Variants in IK observed in about 807,000 individuals in gnomAD.
IK encodes the protein protein Red.
IK carries 47 observed loss-of-function variants against 90.9 expected under a neutral mutation model. The observed-to-expected ratio is 0.52, with a 90% confidence interval of 0.41 to 0.66. The LOEUF (loss-of-function observed/expected upper bound fraction) is 0.66. Ranked by LOEUF, IK falls within the 30% of genes least tolerant of loss-of-function variation. The pLI is 0.00. For synonymous variants in IK, 201 were observed against 227.5 expected, an observed-to-expected ratio of 0.88 and a Z score of 1.05; for missense variants, 385 against 709.3, an observed-to-expected ratio of 0.54 and a Z score of 5.19.
Position 140,657,676 on chromosome 5 carries a change from TAGAG to T in IK, c.910+20_910+23del, listed in dbSNP as rs1471962199. ...AGAAGGATAAAGGTACCTGGAGGGT[TAGAG>T]AGAGAAGCCTTACCCACAGAGGACG... On this transcript the variant is annotated intron_variant, in intron 10 of 19. Transcript: ENST00000417647. 1.9e-6 allele frequency: 3 copies of T among 1,558,154 alleles called. No individual in the cohort carries two copies. Among genetic ancestry groups the T allele is most frequent in the Non-Finnish European group, 1.8e-6 (2 of 1,132,144 alleles).
At position 140,661,169 on chromosome 5, in the gene IK, C is replaced by T. The variant is rs1581486164; in HGVS notation, c.1413+354C>T. ...TTATTCTAGCCAGGATTGAAGTTTTCCTCTAAGTCTTAAGCAAAATTAAAA... is the reference window on the plus strand; with the variant it reads ...TTATTCTAGCCAGGATTGAAGTTTTTCTCTAAGTCTTAAGCAAAATTAAAA... On this transcript the variant is annotated intron_variant, in intron 16 of 19. Coordinates refer to ENST00000417647, the MANE Select transcript of IK (RefSeq NM_006083.4). This position sits in a 1 kb window ranked among gnomAD's most constrained non-coding sequence, Gnocchi z 4.2. 7.0e-6 allele frequency: 2 copies of T among 286,252 alleles called. No homozygotes were observed. The highest frequency in any genetic ancestry group is 1.4e-4 in the East Asian group (2 of 14,786). The allele number at this position is 286,252 out of a possible 1,614,324, so 17.7% of individuals were successfully genotyped here.
chr5:140,659,848 T>A lies in IK; in HGVS notation c.1274+14T>A. On this transcript the variant is annotated intron_variant, in intron 14 of 19. Coordinates refer to ENST00000417647, the MANE Select transcript of IK (RefSeq NM_006083.4). ...AGGCACAGAATCATATCCTTTATTTTAATACGTTCCTGGGTTCCAGAGAAC... is the reference window on the plus strand; with the variant it reads ...AGGCACAGAATCATATCCTTTATTTAAATACGTTCCTGGGTTCCAGAGAAC... The A allele has an allele frequency of 6.4e-7, 1 of 1,560,260 alleles. No individual in the cohort carries two copies. The highest frequency in any genetic ancestry group is 8.7e-7 in the Non-Finnish European group (1 of 1,145,204).
At position 140,654,586 on chromosome 5, in the gene IK, A is replaced by G. The variant is rs1198682622; in HGVS notation, c.590A>G (p.Lys197Arg). 10 of 1,588,096 alleles carry G rather than the reference A, an allele frequency of 6.3e-6. No homozygotes were observed. Among genetic ancestry groups the G allele is most frequent in the Non-Finnish European group, 8.6e-6 (10 of 1,166,190 alleles). ...ELMEKPQKET[K>R]KDEDPENKIE... The stretch of plus-strand genomic sequence containing the variant: ...ATGGAAAAGCCCCAGAAAGAAACCA[A>G]GTAAGTAAATATTATGGAAAGGTTG... The change falls in exon 7 of 20, where the codon AAG (lysine) becomes AGG (arginine). Residue 197 changes from lysine (K) to arginine (R), a missense_variant and splice_region_variant. This residue lies in a region of IK where 9 missense variants were observed against 61.8 expected (regional missense o/e 0.15). Coordinates refer to ENST00000417647, the MANE Select transcript of IK (RefSeq NM_006083.4).
At chr5:140,648,406 C>A (rs1757533815) in intron 1 of IK, 65 bp from the exon 2 acceptor site, 2 of 1,471,182 alleles carry the variant, frequency 1.4e-6, no homozygotes, top group East Asian at 4.5e-5. Context: ...TACTATATCT[C>A]AAATTTTTGC....
Position 140,655,844 on chromosome 5 carries a change from G to C in IK, c.653G>C (p.Arg218Pro). The part of the protein sequence containing the change: ...FKTRLGRNVY[R>P]MLFKSKAYER... ...CTTATTGTAGGCCGCAATGTTTACCGAATGCTTTTTAAGAGCAAAGCATAT... is the reference window on the plus strand; with the variant it reads ...CTTATTGTAGGCCGCAATGTTTACCCAATGCTTTTTAAGAGCAAAGCATAT... Residue 218 changes from arginine to proline, a missense_variant, in exon 9 of 20, where the codon CGA becomes CCA. Arg to Pro is a moderately radical substitution (Grantham distance 103). This residue lies in a region of IK where 46 missense variants were observed against 50.0 expected (regional missense o/e 0.92). Coordinates refer to ENST00000417647, the MANE Select transcript of IK (RefSeq NM_006083.4). 6.2e-7 allele frequency: 1 copy of C among 1,610,520 alleles called. No individual in the cohort carries two copies. The highest frequency in any genetic ancestry group is 8.5e-7 in the Non-Finnish European group (1 of 1,178,358).
At chr5:140,648,577 A>G (rs753190504) in intron 2 of IK, 40 bp downstream of exon 2, 1 of 1,569,618 alleles carries the variant, frequency 6.4e-7, no homozygotes, top group Non-Finnish European at 8.8e-7. Context: ...TGAGTTGGGC[A>G]ATGAATAGAA....
intron 19 of IK, 30 bp from the exon 20 acceptor site, chr5:140,662,272 T>C (rs1000314787): frequency 6.2e-7 from 1 of 1,613,914 alleles, no homozygotes; most frequent in Non-Finnish European, 8.5e-7. Flanking sequence ...GTATTGATCT[T>C]ATACTGACCC....
rs1198865649 is a variant in IK, at chr5:140,660,800, T to C, written c.1398T>C (p.Tyr466=). ...MAVDSDEEVD[Y]SKMDQGNKKG... The stretch of plus-strand genomic sequence containing the variant: ...TGGATAGTGATGAGGAGGTGGATTA[T>C]AGCAAAATGGACCAGGTATGTAGTT... Residue 466 remains tyrosine (Y), a synonymous_variant, in exon 16 of 20, where the codon TAT becomes TAC. Coordinates refer to ENST00000417647, the MANE Select transcript of IK (RefSeq NM_006083.4). The C allele has an allele frequency of 1.9e-6, 3 of 1,613,434 alleles. No homozygotes were observed. The highest frequency in any genetic ancestry group is 3.3e-5 in the Admixed American group (2 of 59,998).
At chr5:140,657,816 C>T in intron 10 of IK, 154 bp downstream of exon 10, 2 of 593,134 alleles carry the variant, frequency 3.4e-6, no homozygotes, top group South Asian at 4.3e-5. Context: ...GAGACAGTTA[C>T]AGCCAGATTC....
rs529689724 is a variant in IK at position 140,658,966 on chromosome 5, A to T, written c.978A>T (p.Val326=). The T allele has an allele frequency of 1.6e-5, 26 of 1,613,834 alleles. 1 individual carries two copies. In the South Asian group the frequency reaches 2.5e-4, roughly 16 times the overall value. ...MNIFEDIGDY[V]PSTTKTPRDK... is the part of the protein sequence containing the mutation. ...TTTTTGAAGACATTGGGGATTACGT[A>T]CCCTCCACAACCAAGACACCTCGGG... Residue 326 remains valine, a synonymous_variant, in exon 12 of 20, where the codon GTA becomes GTT. Coordinates refer to ENST00000417647, the MANE Select transcript of IK (RefSeq NM_006083.4).
At chr5:140,659,204 C>A in intron 12 of IK, 40 bp downstream of exon 12, 2 of 1,601,674 alleles carry the variant, frequency 1.2e-6, no homozygotes, top group South Asian at 1.1e-5. Flanking sequence ...TGGAGTTGCC[C>A]CTCTCTGGAA....
chr5:140,661,848 C>T lies in IK; in HGVS notation c.1503-51C>T, dbSNP rs755105768. 94 of 1,515,480 alleles carry T rather than the reference C, an allele frequency of 6.2e-5. No individual in the cohort carries two copies. The African/African-American group carries it at 8.5e-4, about 14-fold the overall frequency. 93.9% of individuals were successfully genotyped at this position (1,515,480 alleles called of 1,614,324 possible). On this transcript the variant is annotated intron_variant, in intron 17 of 19. Coordinates refer to ENST00000417647, the MANE Select transcript of IK (RefSeq NM_006083.4). The surrounding 1 kb of genome is among the most constrained non-coding windows in gnomAD (Gnocchi z 4.2). ...TGCCCACAGGACTCTGGGAAAACCT[C>T]GCCACTGCTATGCAATCTCTGATGC...
intron 1 of IK, 41 bp from the exon 2 acceptor site, chr5:140,648,430 C>A: frequency 6.3e-7 from 1 of 1,590,384 alleles, no homozygotes; most frequent in Non-Finnish European, 8.6e-7. Context: ...GGATCTGACA[C>A]GTAAGAGACT....
Position 140,647,859 on chromosome 5 carries a change from G to T in IK, c.-50G>T. On this transcript the variant is annotated 5_prime_UTR_variant, in exon 1 of 20. Coordinates refer to ENST00000417647, the MANE Select transcript of IK (RefSeq NM_006083.4). ...GTGGGAAAGAGCTTGTCGCTGCGGT[G>T]TTGCTGTTGGAGACTCGATTGTTGG... 1 of 1,611,366 alleles carries T rather than the reference G, an allele frequency of 6.2e-7. No individual in the cohort carries two copies. Among genetic ancestry groups the T allele is most frequent in the Non-Finnish European group, 8.5e-7 (1 of 1,177,502 alleles).
chr5:140,650,971 T>C lies in IK; in HGVS notation c.84-743T>C, dbSNP rs1757605042. On this transcript the variant is annotated intron_variant, in intron 2 of 19. Transcript: ENST00000417647. The stretch of plus-strand genomic sequence containing the variant: ...ATGGACCAGGCTAAATATAAATAAA[T>C]GGAGTTGCTGGCTCATAGGATATAT... Among the ~76,000 whole-genome samples the C allele has an allele frequency of 2.6e-5, 4 of 152,216 alleles. No homozygotes were observed. In the South Asian group the frequency reaches 8.3e-4, roughly 31 times the overall value.
At position 140,648,515 on chromosome 5, in the gene IK, G is replaced by A; in HGVS notation, c.61G>A (p.Asp21Asn). ...NPLAPDGHDV[D>N]DPHSFHQSKL... ...TTTGGCCCCCGATGGCCACGATGTG[G>A]ATGATCCTCACTCCTTCCACCAGTG... Residue 21 changes from aspartate (D) to asparagine (N), a missense_variant, in exon 2 of 20, where the codon GAT (aspartate) becomes AAT (asparagine). Coordinates refer to ENST00000417647, the MANE Select transcript of IK (RefSeq NM_006083.4). 6.2e-7 allele frequency: 1 copy of A among 1,614,016 alleles called. No homozygotes were observed. Among genetic ancestry groups the A allele is most frequent in the Non-Finnish European group, 8.5e-7 (1 of 1,179,888 alleles).
intron 10 of IK, among the ~76,000 whole-genome samples, chr5:140,657,988 A>G (rs1757738408): frequency 6.6e-6 from 1 of 152,138 alleles, no homozygotes; most frequent in Non-Finnish European, 1.5e-5. Flanking sequence ...CTTGACCGAC[A>G]TTTTATTTTA....
Position 140,653,683 on chromosome 5 carries a change from C to T in IK, c.405-255C>T, listed in dbSNP as rs529828400. 2.3e-3 allele frequency among the ~76,000 whole-genome samples: 338 copies of T among 148,122 alleles called. 1 individual carries two copies. Among genetic ancestry groups the T allele is most frequent in the Non-Finnish European group, 4.1e-3 (276 of 67,392 alleles). ...GCAGTAGCGCGATCTCAGCTCACTG[C>T]AGCCTCCGCCTCCCATGTTCAGGCG... is the stretch of plus-strand genomic sequence containing the variant. On this transcript the variant is annotated intron_variant, in intron 5 of 19. Coordinates refer to ENST00000417647, the MANE Select transcript of IK (RefSeq NM_006083.4).
At chr5:140,659,949 T>G (rs571965215) in intron 14 of IK, 115 bp downstream of exon 14, 230 of 956,514 alleles carry the variant, frequency 2.4e-4, no homozygotes, top group Middle Eastern at 1.3e-3. Context: ...TTACGCTGAA[T>G]TTTGACAGAA....
Sources: gnomAD v4.1 joint callset for allele counts (sites outside exome capture counted in the v4.1 genomes callset) on GRCh38, gnomAD v4.1.1 for gene constraint, gnomAD v4.1.1 regional missense constraint, Gnocchi (gnomAD v3.1) non-coding constraint, MANE v1.5 for transcripts, NCBI Gene and HGNC (gene_info 2026-07-23, HGNC 2026-07-21) for gene names.